Variants in MID1 observed in about 807,000 individuals in gnomAD.
The protein encoded by MID1 is E3 ubiquitin-protein ligase Midline-1.
In MID1, 7 loss-of-function variants were observed where a neutral mutation model predicts 40.4. The observed-to-expected ratio is 0.17, with a 90% CI of 0.10 to 0.33. The LOEUF is 0.33. Ranked by LOEUF, MID1 falls within the 10% of genes least tolerant of loss-of-function variation. MID1 has a pLI of 1.00. For synonymous variants in MID1, 229 were observed against 221.2 expected, an observed-to-expected ratio of 1.04 and a Z score of -0.31; for missense variants, 367 against 558.5, an observed-to-expected ratio of 0.66 and a Z score of 3.46.
At chrX:10,827,311 A>T (rs760119373) in intron 1 of MID1, among the ~76,000 whole-genome samples, 3 of 111,207 alleles carry the variant, frequency 2.7e-5, no homozygotes, top group Non-Finnish European at 5.7e-5. Flanking sequence ...TGATCATAGT[A>T]GTTCTTACTG....
intron 2 of MID1, among the ~76,000 whole-genome samples, chrX:10,525,643 C>A (rs149573615): frequency 1.4e-4 from 16 of 112,241 alleles, no homozygotes; most frequent in Non-Finnish European, 2.1e-4. Context: ...GAGGTTAGGG[C>A]GTGAGGTTCT....
At position 10,800,668 on chromosome X, in the gene MID1, T is replaced by C. The variant is rs1258331624; in HGVS notation, c.-187+32886A>G. Among the ~76,000 whole-genome samples, 8 of 111,733 alleles carry C rather than the reference T, an allele frequency of 7.2e-5. No homozygotes were observed. In the Admixed American group the frequency reaches 7.6e-4, roughly 11 times the overall value. On this transcript the variant is annotated intron_variant, in intron 1 of 10. Transcript: ENST00000380785. ...GTGACAGATACCTCAACTCTCCTAC[T>C]ACATTATACGTAGAAAATTGGCTAA... is the stretch of plus-strand genomic sequence containing the variant.
chrX:10,819,827 C>T (rs1343402631), intron 1 of MID1, among the ~76,000 whole-genome samples: 1 of 111,865 alleles, frequency 8.9e-6, no homozygotes, highest in African/African-American at 3.3e-5. Flanking sequence ...TGAGAGTAAT[C>T]TTCCAGATGG....
At chrX:10,750,290 G>C (rs1416455674) in intron 1 of MID1, among the ~76,000 whole-genome samples, 2 of 111,414 alleles carry the variant, frequency 1.8e-5, no homozygotes, top group African/African-American at 6.5e-5. Context: ...AAATCAGAAG[G>C]AGATGAGTCG....
chrX:10,591,042 A>T (rs1218208954), intron 1 of MID1, among the ~76,000 whole-genome samples: 7 of 110,111 alleles, frequency 6.4e-5, no homozygotes, highest in Non-Finnish European at 1.3e-4. Context: ...TTTAAACATT[A>T]AAAAAAAAGG....
intron 1 of MID1, among the ~76,000 whole-genome samples, chrX:10,798,514 T>A (rs757252851): frequency 8.9e-6 from 1 of 112,008 alleles, no homozygotes; most frequent in South Asian, 3.7e-4. Flanking sequence ...CACTTTGATC[T>A]CTCACCCCAT....
chrX:10,453,792 T>TG (rs1928490349), intron 9 of MID1, among the ~76,000 whole-genome samples: 2 of 112,198 alleles, frequency 1.8e-5, no homozygotes, highest in South Asian at 7.5e-4. Flanking sequence ...GTTAAGAGCC[T>TG]GACCCTTGAC....
chrX:10,451,256 G>A (rs773577866), intron 9 of MID1, among the ~76,000 whole-genome samples: 1 of 111,651 alleles, frequency 9.0e-6, no homozygotes, highest in Non-Finnish European at 1.9e-5. Context: ...AGGAGTCTGG[G>A]TCAGGCTCTG....
At chrX:10,636,982 G>A (rs1267041556) in intron 1 of MID1, among the ~76,000 whole-genome samples, 1 of 105,592 alleles carries the variant, frequency 9.5e-6, no homozygotes, top group African/African-American at 3.5e-5. Context: ...TTTCCCAGCT[G>A]TACAACATCT....
At chrX:10,817,514 C>CTTTCTTTCTT in intron 1 of MID1, among the ~76,000 whole-genome samples, 1 of 80,438 alleles carries the variant, frequency 1.2e-5, no homozygotes, top group African/African-American at 4.7e-5. Context: ...TTCTTTTTTT[C>CTTTCTTTCTT]TCTTTCTTTC....
At chrX:10,571,213 A>G (rs1407824649) in intron 1 of MID1, among the ~76,000 whole-genome samples, 1 of 112,484 alleles carries the variant, frequency 8.9e-6, no homozygotes, top group Non-Finnish European at 1.9e-5. Context: ...TGAAGACACA[A>G]TACTCAGATG....
In MID1 at chrX:10,495,484, A is replaced by G. The variant is rs949524208; in HGVS notation, c.864+100T>C. On this transcript the variant is annotated intron_variant, in intron 4 of 9. Transcript: ENST00000317552. ...CTTAAGAGGGAATTATAGAATGTAT[A>G]GAAAAAGAGGGTTCTCAACATTTCC... 1.8e-5 allele frequency: 12 copies of G among 651,098 alleles called. No homozygotes were observed. The African/African-American group carries it at 2.4e-4, about 13-fold the overall frequency. The allele number at this position is 651,098 out of a possible 1,213,427, so 53.7% of individuals were successfully genotyped here. A position where few individuals can be genotyped will look rare whatever the true frequency, so the allele number is the denominator to read the frequency against.
At chrX:10,575,399 G>C (rs777243694) in intron 1 of MID1, among the ~76,000 whole-genome samples, 21 of 112,026 alleles carry the variant, frequency 1.9e-4, no homozygotes, top group Non-Finnish European at 3.8e-4. Context: ...CAACTCAGAA[G>C]GGACTTGCTC....
chrX:10,636,514 C>T (rs913255320), intron 1 of MID1, among the ~76,000 whole-genome samples: 9 of 109,215 alleles, frequency 8.2e-5, no homozygotes, highest in African/African-American at 3.0e-4. Flanking sequence ...GATTTGGACC[C>T]GGAGTGAAAA....
intron 2 of MID1, among the ~76,000 whole-genome samples, chrX:10,565,767 T>C (rs1247593382): frequency 9.0e-6 from 1 of 111,062 alleles, no homozygotes; most frequent in Admixed American, 9.5e-5. Context: ...CTTGGCTTAT[T>C]ATTTCTTCCC....
At chrX:10,514,811 T>C (rs1932320245) in intron 3 of MID1, among the ~76,000 whole-genome samples, 1 of 111,525 alleles carries the variant, frequency 9.0e-6, no homozygotes, top group African/African-American at 3.3e-5. Context: ...ATTTGCACTA[T>C]CACATTATCA....
At chrX:10,459,978 C>T (rs1928929517) in intron 7 of MID1, 171 bp from the exon 8 acceptor site, 3 of 527,246 alleles carry the variant, frequency 5.7e-6, no homozygotes, top group Non-Finnish European at 6.5e-6. Context: ...TGGCAGATTG[C>T]ATTTTTGCCT....
intron 2 of MID1, among the ~76,000 whole-genome samples, chrX:10,541,110 C>T (rs1933452821): frequency 1.8e-5 from 2 of 112,214 alleles, no homozygotes; most frequent in South Asian, 3.7e-4. Flanking sequence ...TGACATTCTA[C>T]GGAAGGTACC....
intron 1 of MID1, among the ~76,000 whole-genome samples, chrX:10,781,487 G>C (rs756459747): frequency 8.9e-6 from 1 of 112,190 alleles, no homozygotes; most frequent in Non-Finnish European, 1.9e-5. Flanking sequence ...ATTCATTTTA[G>C]TGACCTGAGA....
Sources: allele counts gnomAD v4.1 joint callset (sites outside exome capture counted in the v4.1 genomes callset), GRCh38; gene constraint gnomAD v4.1.1; transcripts MANE v1.5; gene names NCBI Gene and HGNC (gene_info 2026-07-23, HGNC 2026-07-21).